Variants in TMEM117 observed in about 807,000 individuals in gnomAD.
TMEM117 encodes transmembrane protein 117.
In TMEM117, 27 loss-of-function variants were observed where a neutral mutation model predicts 52.4. The ratio of observed to expected loss-of-function variants is 0.51; its 90% CI spans 0.38 to 0.71. TMEM117 has a LOEUF of 0.71. TMEM117 is among the 30% of genes least tolerant of loss of function. The probability of loss-of-function intolerance (pLI) is 0.00; values close to 1 mark genes in which losing one functional copy is unlikely to be tolerated. For synonymous variants in TMEM117, 215 were observed against 206.3 expected (o/e 1.04, Z -0.36); for missense variants, 556 against 630.5 (o/e 0.88, Z 1.26).
At chr12:44,322,771 G>C (rs539802494) in intron 6 of TMEM117, among the ~76,000 whole-genome samples, 21 of 152,186 alleles carry the variant, frequency 1.4e-4, no homozygotes, top group Non-Finnish European at 2.6e-4. Flanking sequence ...CACCAATAGT[G>C]ACTGGAAATA....
intron 4 of TMEM117, among the ~76,000 whole-genome samples, chr12:44,195,901 T>G: frequency 7.5e-6 from 1 of 133,086 alleles, no homozygotes; most frequent in Non-Finnish European, 1.6e-5. Flanking sequence ...AATAAATAAA[T>G]AAATAAATAA....
At chr12:44,095,846 A>G (rs1947750426) in intron 3 of TMEM117, among the ~76,000 whole-genome samples, 1 of 152,194 alleles carries the variant, frequency 6.6e-6, no homozygotes, top group Admixed American at 6.5e-5. Context: ...TATTCAACAT[A>G]GTGTTGGAAG....
At chr12:44,002,613 T>C (rs550244523) in intron 3 of TMEM117, among the ~76,000 whole-genome samples, 3 of 152,254 alleles carry the variant, frequency 2.0e-5, no homozygotes, top group Non-Finnish European at 4.4e-5. Context: ...CTTCCCTCCC[T>C]CCTTTCCCTG....
intron 6 of TMEM117, among the ~76,000 whole-genome samples, chr12:44,350,360 T>C (rs1565743397): frequency 6.6e-6 from 1 of 152,026 alleles, no homozygotes; most frequent in Non-Finnish European, 1.5e-5. Context: ...TTGGATTATC[T>C]GTGCCCCCAA....
the TMEM117 span, among the ~76,000 whole-genome samples, chr12:43,820,502 T>C: frequency 6.6e-6 from 1 of 151,160 alleles, no homozygotes; most frequent in African/African-American, 2.4e-5. Context: ...CTCGATCTCC[T>C]GACCTCGTGA....
At chr12:43,835,807 C>G (rs891696108), upstream of TMEM117, among the ~76,000 whole-genome samples, 3 of 151,888 alleles carry the variant, frequency 2.0e-5, no homozygotes, top group East Asian at 3.9e-4. Context: ...CCGTGGCGCA[C>G]GCGGCCCGCG....
At position 44,081,595 on chromosome 12, in the gene TMEM117, C is replaced by A. The variant is rs578141084; in HGVS notation, c.411-61930C>A. ...GCCTTGGAATATAAATTTGACATTT[C>A]TGCTGTACAGTGATTTCCTTCTGGT... On this transcript the variant is annotated intron_variant, in intron 3 of 7. Coordinates refer to ENST00000266534, the MANE Select transcript of TMEM117 (RefSeq NM_032256.3). Among the ~76,000 whole-genome samples the A allele has an allele frequency of 5.2e-3, 790 of 152,212 alleles. 3 individuals are homozygous for A. The highest frequency in any genetic ancestry group is 7.8e-3 in the Non-Finnish European group (532 of 67,962).
At chr12:44,051,155 A>G (rs1362737565) in intron 3 of TMEM117, among the ~76,000 whole-genome samples, 1 of 152,194 alleles carries the variant, frequency 6.6e-6, no homozygotes, top group African/African-American at 2.4e-5. Context: ...TGGTGAAGGA[A>G]ATGTGTATAG....
At chr12:43,796,644 A>G in the TMEM117 span, among the ~76,000 whole-genome samples, 1 of 152,240 alleles carries the variant, frequency 6.6e-6, no homozygotes, top group East Asian at 1.9e-4. Flanking sequence ...ACTGATGGAA[A>G]TGTCCTATAA....
chr12:43,995,658 G>A (rs1265034400), intron 3 of TMEM117, among the ~76,000 whole-genome samples: 2 of 152,162 alleles, frequency 1.3e-5, no homozygotes, highest in East Asian at 3.8e-4. Flanking sequence ...TACCCAATAT[G>A]TAGTCTTTCA....
intron 5 of TMEM117, among the ~76,000 whole-genome samples, chr12:44,264,390 T>C (rs1395208425): frequency 6.6e-6 from 1 of 152,152 alleles, no homozygotes; most frequent in Non-Finnish European, 1.5e-5. Flanking sequence ...CTATCAGCTA[T>C]GCTAGTCCCC....
At chr12:44,139,293 C>A (rs887836120) in intron 3 of TMEM117, among the ~76,000 whole-genome samples, 4 of 152,240 alleles carry the variant, frequency 2.6e-5, no homozygotes, top group Admixed American at 2.0e-4. Context: ...CTGAAGTGAA[C>A]TGGAACTTTT....
chr12:44,291,194 G>C (rs1337348065), intron 5 of TMEM117, among the ~76,000 whole-genome samples: 2 of 151,994 alleles, frequency 1.3e-5, no homozygotes, highest in African/African-American at 4.8e-5. Context: ...TCAGTGTACA[G>C]ATCTTTCACC....
chr12:43,887,068 C>G (rs371271610), intron 2 of TMEM117, among the ~76,000 whole-genome samples: 3 of 152,130 alleles, frequency 2.0e-5, no homozygotes, highest in Admixed American at 6.5e-5. Flanking sequence ...AGGCTGGTCT[C>G]GAGCTCCTGA....
At chr12:44,183,428 T>G (rs1413946663) in intron 4 of TMEM117, among the ~76,000 whole-genome samples, 1 of 152,200 alleles carries the variant, frequency 6.6e-6, no homozygotes, top group South Asian at 2.1e-4. Context: ...TATAAAGTGC[T>G]TTATAAAGTA....
intron 6 of TMEM117, among the ~76,000 whole-genome samples, chr12:44,310,906 A>G (rs1407488434): frequency 3.3e-5 from 5 of 152,074 alleles, no homozygotes; most frequent in African/African-American, 1.2e-4. Context: ...ACGAGTTTAA[A>G]ATTAGACTAT....
intron 5 of TMEM117, among the ~76,000 whole-genome samples, chr12:44,275,142 T>G (rs1011969432): frequency 6.6e-6 from 1 of 152,114 alleles, no homozygotes; most frequent in African/African-American, 2.4e-5. Context: ...GCAAAAGTTT[T>G]GAGTAGACAT....
At chr12:44,311,849 GTATATA>G (rs1565701745) in intron 6 of TMEM117, among the ~76,000 whole-genome samples, 36 of 113,878 alleles carry the variant, frequency 3.2e-4, no homozygotes, top group African/African-American at 1.2e-3. Flanking sequence ...GTATATATAT[GTATATA>G]TGTATATATA....
At chr12:44,395,663 G>T in the TMEM117 span, among the ~76,000 whole-genome samples, 1 of 152,138 alleles carries the variant, frequency 6.6e-6, no homozygotes, top group African/African-American at 2.4e-5. Context: ...AATGACTCAG[G>T]GACTCAGACA....
Sources: allele counts gnomAD v4.1 joint callset (sites outside exome capture counted in the v4.1 genomes callset), GRCh38; gene constraint gnomAD v4.1.1; transcripts MANE v1.5; gene names NCBI Gene and HGNC (gene_info 2026-07-23, HGNC 2026-07-21).